DAAM1: variants seen among roughly 807,000 people sequenced by gnomAD.
DAAM1 encodes the protein dishevelled associated activator of morphogenesis 1, also known as disheveled-associated activator of morphogenesis 1.
DAAM1 carries 52 observed loss-of-function variants against 130.0 expected under a neutral mutation model. That is an observed-to-expected ratio of 0.40 (90% CI 0.32 to 0.50). DAAM1 has a LOEUF of 0.50. Ranked by LOEUF, DAAM1 falls within the 20% of genes least tolerant of loss-of-function variation. The pLI, the probability that DAAM1 is intolerant of heterozygous loss-of-function variation, is 0.61. For missense variants in DAAM1, 1,134 were observed against 1,303.8 expected (o/e 0.87, Z 2.01); for synonymous variants, 452 against 444.5 (o/e 1.02, Z -0.21).
intron 5 of DAAM1, among the ~76,000 whole-genome samples, chr14:59,321,155 A>G (rs998711365): frequency 6.6e-6 from 1 of 152,244 alleles, no homozygotes; most frequent in Non-Finnish European, 1.5e-5. Flanking sequence ...GTACTGATAC[A>G]TGCTACAACA....
chr14:59,243,842 A>G (rs1226096780), intron 1 of DAAM1, among the ~76,000 whole-genome samples: 1 of 152,228 alleles, frequency 6.6e-6, no homozygotes, highest in African/African-American at 2.4e-5. Context: ...ATGGAAGTGG[A>G]AATCTGGCAT....
chr14:59,246,169 C>A (rs994073756), intron 1 of DAAM1, among the ~76,000 whole-genome samples: 2 of 152,222 alleles, frequency 1.3e-5, no homozygotes, highest in African/African-American at 4.8e-5. Context: ...GAGAATTTTT[C>A]ATCTTGCAAA....
chr14:59,259,853 G>T (rs931034108), intron 1 of DAAM1, among the ~76,000 whole-genome samples: 1 of 152,120 alleles, frequency 6.6e-6, no homozygotes, highest in African/African-American at 2.4e-5. Flanking sequence ...GACCATCTTG[G>T]CTAACATGGT....
Position 59,323,293 on chromosome 14 carries a change from G to T in DAAM1, c.774+68G>T, listed in dbSNP as rs952348775. 8 of 1,442,392 alleles carry T rather than the reference G, an allele frequency of 5.5e-6. No homozygotes were observed. In the African/African-American group the frequency reaches 1.1e-4, roughly 21 times the overall value. 89.3% of individuals were successfully genotyped at this position (1,442,392 alleles called of 1,614,324 possible). ...GTCTGCTCAAACACGTGCTTTTCCT[G>T]TCCCTGAAAGGGGAATGTTACTTGA... On this transcript the variant is annotated intron_variant, in intron 6 of 24. Coordinates refer to ENST00000360909, the MANE Select transcript of DAAM1 (RefSeq NM_001270520.2).
rs1314685889 is a variant in DAAM1, at chr14:59,230,944, CA to C, written c.-37-32496del. Among the ~76,000 whole-genome samples, 5 of 152,146 alleles carry C rather than the reference CA, an allele frequency of 3.3e-5. 1 individual carries two copies. Among genetic ancestry groups the C allele is most frequent in the Admixed American group, 3.3e-4 (5 of 15,282 alleles). The stretch of plus-strand genomic sequence containing the variant: ...GGATTCGTTCCACTATCTTTGTTGC[CA>C]GAATTAAAAATGTTCTCTGTTGAAC... On this transcript the variant is annotated intron_variant, in intron 1 of 24. Coordinates refer to ENST00000360909, the MANE Select transcript of DAAM1 (RefSeq NM_001270520.2).
At chr14:59,301,470 C>T (rs1487890664) in intron 3 of DAAM1, among the ~76,000 whole-genome samples, 1 of 152,030 alleles carries the variant, frequency 6.6e-6, no homozygotes, top group African/African-American at 2.4e-5. Flanking sequence ...TCATCTAGAC[C>T]TGTTTGCACC....
At chr14:59,368,141 C>T (rs1485234350) in intron 24 of DAAM1, among the ~76,000 whole-genome samples, 1 of 151,904 alleles carries the variant, frequency 6.6e-6, no homozygotes, top group Non-Finnish European at 1.5e-5. Flanking sequence ...AAAGATGTTT[C>T]CCCCACCTTC....
intron 1 of DAAM1, among the ~76,000 whole-genome samples, chr14:59,191,974 T>A (rs1414505634): frequency 1.3e-5 from 2 of 152,190 alleles, no homozygotes; most frequent in Non-Finnish European, 2.9e-5. Flanking sequence ...CATCCAGTAG[T>A]CTGATTCTGT....
rs35354608 is a variant in DAAM1 at position 59,280,535 on chromosome 14, C to CTTT, written c.184-10661_184-10659dup. On this transcript the variant is annotated intron_variant, in intron 2 of 24. Transcript: ENST00000360909. ...TCTTCTCTACTTTCTGCACACCTTC[C>CTTT]TTTTTTTTTTTTTTTTTTTTTTTCA... 2.6e-3 allele frequency among the ~76,000 whole-genome samples: 232 copies of CTTT among 90,610 alleles called. 9 individuals carry two copies. The highest frequency in any genetic ancestry group is 8.2e-3 in the African/African-American group (194 of 23,636). 59.4% of individuals were successfully genotyped at this position (90,610 alleles called of 152,430 possible). A position where few individuals can be genotyped will look rare whatever the true frequency, so the allele number is the denominator to read the frequency against.
At chr14:59,285,615 G>T (rs900825119) in intron 2 of DAAM1, among the ~76,000 whole-genome samples, 35 of 152,090 alleles carry the variant, frequency 2.3e-4, no homozygotes, top group Admixed American at 1.8e-3. Context: ...AAGAACATGG[G>T]TTGCTATTCT....
At chr14:59,203,013 A>G (rs976647815) in intron 1 of DAAM1, among the ~76,000 whole-genome samples, 5 of 149,238 alleles carry the variant, frequency 3.4e-5, no homozygotes, top group African/African-American at 9.9e-5. Flanking sequence ...TTTTTTTGAG[A>G]TGGAACCTCG....
chr14:59,289,292 C>T (rs1473649012), intron 2 of DAAM1, among the ~76,000 whole-genome samples: 1 of 152,160 alleles, frequency 6.6e-6, no homozygotes, highest in Non-Finnish European at 1.5e-5. Context: ...GGAATCCACC[C>T]CCATAATCCA....
intron 16 of DAAM1, among the ~76,000 whole-genome samples, chr14:59,345,877 G>A (rs373090294): frequency 6.6e-6 from 1 of 152,180 alleles, no homozygotes; most frequent in East Asian, 1.9e-4. Context: ...AAACACTGGT[G>A]AAATAGTGGG....
chr14:59,342,399 A>G (rs1270725199), intron 16 of DAAM1, among the ~76,000 whole-genome samples: 3 of 152,180 alleles, frequency 2.0e-5, no homozygotes, highest in Non-Finnish European at 4.4e-5. Context: ...GACATGTTAA[A>G]TGTGGTACAA....
chr14:59,338,536 G>T, intron 15 of DAAM1: 1 of 1,028,414 alleles, frequency 9.7e-7, no homozygotes, highest in Admixed American at 2.3e-5. Flanking sequence ...GTAATCTAAT[G>T]CCTAGGTAAC....
At chr14:59,217,951 C>T (rs924998180) in intron 1 of DAAM1, among the ~76,000 whole-genome samples, 3 of 149,702 alleles carry the variant, frequency 2.0e-5, no homozygotes, top group South Asian at 2.1e-4. Flanking sequence ...CCAGCCTGGG[C>T]GACAGAGCGA....
intron 1 of DAAM1, among the ~76,000 whole-genome samples, chr14:59,243,776 T>C (rs1445401636): frequency 6.6e-6 from 1 of 152,202 alleles, no homozygotes; most frequent in African/African-American, 2.4e-5. Context: ...ATTTTGCCTG[T>C]TTATTAATTA....
intron 2 of DAAM1, among the ~76,000 whole-genome samples, chr14:59,268,262 G>A (rs925037821): frequency 1.3e-5 from 2 of 152,258 alleles, no homozygotes; most frequent in South Asian, 2.1e-4. Flanking sequence ...CATTTGGGCT[G>A]TTGCCAGTTT....
rs111839521 is a variant in DAAM1, at chr14:59,306,380, A to G, written c.274-8900A>G. Among the ~76,000 whole-genome samples the G allele has an allele frequency of 4.0e-3, 616 of 152,332 alleles. 4 individuals are homozygous for G. The highest frequency in any genetic ancestry group is 0.014 in the African/African-American group (578 of 41,574). On this transcript the variant is annotated intron_variant, in intron 3 of 24. Coordinates refer to ENST00000360909, the MANE Select transcript of DAAM1 (RefSeq NM_001270520.2). ...AAATATTTGTTAGATGAGTAAAGGA[A>G]TGAGAAGGAAAGCAAATGCCTTTTT...
Sources: gnomAD v4.1 joint callset for allele counts (sites outside exome capture counted in the v4.1 genomes callset) on GRCh38, gnomAD v4.1.1 for gene constraint, MANE v1.5 for transcripts, NCBI Gene and HGNC (gene_info 2026-07-23, HGNC 2026-07-21) for gene names.